The following EXOSC10 variants were observed in gnomAD, a reference collection of about 807,000 sequenced individuals.
The protein encoded by EXOSC10 is exosome complex component 10.
Under a neutral mutation model 126.6 loss-of-function variants are expected in EXOSC10, and 94 were observed. The observed-to-expected ratio is 0.74, with a 90% confidence interval of 0.63 to 0.88. EXOSC10 has a LOEUF of 0.88. EXOSC10 is among the 40% of genes least tolerant of loss of function. The pLI, the probability that EXOSC10 is intolerant of heterozygous loss-of-function variation, is 0.00. For missense variants in EXOSC10, 1,041 were observed against 1,100.5 expected (o/e 0.95, Z 0.77); for synonymous variants, 395 against 400.8 (o/e 0.99, Z 0.17).
intron 16 of EXOSC10, 60 bp from the exon 17 acceptor site, chr1:11,077,008 TGAGATGGAGTTTTA>T (rs1251486712): frequency 7.3e-7 from 1 of 1,372,456 alleles, no homozygotes; most frequent in Admixed American, 1.7e-5. Flanking sequence ...TTTTTCTTTT[TGAGATGGAGTTTTA>T]GTGTAGTCCC....
rs769457804 is a variant in EXOSC10 at position 11,095,850 on chromosome 1, G to A, written c.280C>T (p.Arg94Cys). ...MSRVMQYHGC[R>C]SNIKDRSKVT... ...TTACTTCGATCCTTAATGTTGCTGC[G>A]ACACCCATGGTACTGCATTACTCTG... The change falls in exon 3 of 25, where the codon CGC becomes TGC. Residue 94 changes from arginine to cysteine, a missense_variant. Physicochemically the swap from Arg to Cys is radical, Grantham distance 180. This residue lies in a region of EXOSC10 where 645 missense variants were observed against 656.3 expected (regional missense o/e 0.98). Transcript: ENST00000376936. 31 of 1,613,802 alleles carry A rather than the reference G, an allele frequency of 1.9e-5. No individual in the cohort carries two copies. The highest frequency in any genetic ancestry group is 1.6e-4 in the Middle Eastern group (1 of 6,062).
intron 3 of EXOSC10, among the ~76,000 whole-genome samples, chr1:11,093,124 T>C (rs922322098): frequency 1.3e-5 from 2 of 152,220 alleles, no homozygotes; most frequent in Non-Finnish European, 2.9e-5. Flanking sequence ...GTCATTAGTA[T>C]GTCATGCCAA....
Position 11,082,873 on chromosome 1 carries a change from A to C in EXOSC10, c.1095T>G (p.Phe365Leu). The C allele has an allele frequency of 6.2e-7, 1 of 1,613,930 alleles. No homozygotes were observed. Among genetic ancestry groups the C allele is most frequent in the Non-Finnish European group, 8.5e-7 (1 of 1,179,794 alleles). The change falls in exon 10 of 25, where the codon TTT becomes TTG. Residue 365 changes from phenylalanine to leucine, a missense_variant. By Grantham distance (22) the Phe-to-Leu change is conservative. This residue lies in a region of EXOSC10 where 645 missense variants were observed against 656.3 expected (regional missense o/e 0.98). Coordinates refer to ENST00000376936, the MANE Select transcript of EXOSC10 (RefSeq NM_001001998.3). ...SLTDPAIVKV[F>L]HGADSDIEWL... ...ATTCTATGTCTGAATCAGCACCATG[A>C]AAGACCTGAAAACAGAACCAAAGTC... is the stretch of plus-strand genomic sequence containing the variant.
rs756759518 is a variant in EXOSC10, at chr1:11,080,566, ACACACAC to A, written c.1587-24_1587-18del. 3.6e-3 allele frequency: 4,260 copies of A among 1,183,920 alleles called. 33 individuals are homozygous for A. Among genetic ancestry groups the A allele is most frequent in the East Asian group, 0.031 (1,083 of 34,384 alleles). 73.3% of individuals were successfully genotyped at this position (1,183,920 alleles called of 1,614,324 possible). A position where few individuals can be genotyped will look rare whatever the true frequency, so the allele number is the denominator to read the frequency against. On this transcript the variant is annotated intron_variant, in intron 12 of 24. Transcript: ENST00000376936. ...AGTACATATCTGGAAAAAAAAAAAC[ACACACAC>A]ACACACACACACACACACACACACA... is the stretch of plus-strand genomic sequence containing the variant.
In EXOSC10 at chr1:11,077,597, C is replaced by CT; in HGVS notation, c.1800+3dup. The CT allele has an allele frequency of 6.2e-7, 1 of 1,614,006 alleles. No individual in the cohort carries two copies. The highest frequency in any genetic ancestry group is 1.7e-5 in the Admixed American group (1 of 60,020). On this transcript the variant is annotated splice_donor_region_variant and intron_variant, in intron 15 of 24. Transcript: ENST00000376936. The stretch of plus-strand genomic sequence containing the variant: ...TGGGGGAGAAAACAGATCCGACACT[C>CT]TACCTCAGCACTGGGCAGCGGTCCG...
Position 11,097,158 on chromosome 1 carries a change from C to T in EXOSC10, c.248+862G>A, listed in dbSNP as rs143957879. Among the ~76,000 whole-genome samples, 374 of 151,822 alleles carry T rather than the reference C, an allele frequency of 2.5e-3. 6 individuals are homozygous for T. The highest frequency in any genetic ancestry group is 8.2e-3 in the African/African-American group (339 of 41,392). ...TTGGGAGGTGGAGGTTGCTGCGAGC[C>T]GAGATCACGCCACTGCACTTCAGCC... is the stretch of plus-strand genomic sequence containing the variant. On this transcript the variant is annotated intron_variant, in intron 2 of 24. Transcript: ENST00000376936.
rs767148663 is a variant in EXOSC10 at position 11,090,547 on chromosome 1, C to A, written c.758+7G>T. On this transcript the variant is annotated splice_region_variant and intron_variant, in intron 6 of 24. Coordinates refer to ENST00000376936, the MANE Select transcript of EXOSC10 (RefSeq NM_001001998.3). ...CGGCAGAAAGTCAGACACAGGCCAA[C>A]ACTTACATGTCTTGCTCAACCTGCT... The A allele has an allele frequency of 1.2e-6, 2 of 1,611,132 alleles. No individual in the cohort carries two copies. Among genetic ancestry groups the A allele is most frequent in the African/African-American group, 2.7e-5 (2 of 74,884 alleles).
At chr1:11,070,515 C>T (rs1253133969) in intron 21 of EXOSC10, 2 of 98,512 alleles carry the variant, frequency 2.0e-5, no homozygotes, top group African/African-American at 4.0e-5. Flanking sequence ...GAGGTAGACA[C>T]TACTTCAAAA....
chr1:11,096,471 CTTTTTTTTTTT>C (rs70977546), intron 2 of EXOSC10, among the ~76,000 whole-genome samples: 4 of 118,804 alleles, frequency 3.4e-5, no homozygotes, highest in Admixed American at 9.1e-5. Context: ...TTCTTTCTTT[CTTTTTTTTTTT>C]TTTTTTTTTA....
At chr1:11,092,809 GT>G (rs1261547489) in intron 3 of EXOSC10, among the ~76,000 whole-genome samples, 1 of 152,180 alleles carries the variant, frequency 6.6e-6, no homozygotes, top group Non-Finnish European at 1.5e-5. Flanking sequence ...ATGAGCTACT[GT>G]GCCCGGCCAC....
At chr1:11,093,984 G>A (rs980466282) in intron 3 of EXOSC10, among the ~76,000 whole-genome samples, 1 of 152,120 alleles carries the variant, frequency 6.6e-6, no homozygotes, top group Non-Finnish European at 1.5e-5. Flanking sequence ...GGAGGCTGTG[G>A]TGGGAGGATC....
intron 9 of EXOSC10, among the ~76,000 whole-genome samples, chr1:11,086,466 T>C (rs931333074): frequency 3.3e-5 from 5 of 152,126 alleles, no homozygotes; most frequent in Admixed American, 2.6e-4. Flanking sequence ...TCAGTGGTGA[T>C]ATCCCCTTTA....
Position 11,091,054 on chromosome 1 carries a change from T to C in EXOSC10, c.603A>G (p.Lys201=), listed in dbSNP as rs1254178772. 10 of 1,614,018 alleles carry C rather than the reference T, an allele frequency of 6.2e-6. No individual in the cohort carries two copies. The highest frequency in any genetic ancestry group is 8.5e-6 in the Non-Finnish European group (10 of 1,180,038). The part of the protein sequence containing the change: ...IDNSNTPFLP[K]IFIKPNAQKP... The stretch of plus-strand genomic sequence containing the variant: ...TCTGAGCATTGGGTTTGATGAAGAT[T>C]TTAGGAAGAAATGGTGTGTTGGAAT... Residue 201 remains lysine (K), a synonymous_variant, in exon 5 of 25, where the codon AAA becomes AAG. Coordinates refer to ENST00000376936, the MANE Select transcript of EXOSC10 (RefSeq NM_001001998.3).
chr1:11,081,884 A>C (rs1640185482), intron 10 of EXOSC10, among the ~76,000 whole-genome samples: 1 of 151,984 alleles, frequency 6.6e-6, no homozygotes, highest in Admixed American at 6.6e-5. Flanking sequence ...GGAGTTTGAG[A>C]CCAGTCTGAC....
At chr1:11,087,387 C>A (rs1640553180) in intron 9 of EXOSC10, 61 bp downstream of exon 9, 1 of 1,596,428 alleles carries the variant, frequency 6.3e-7, no homozygotes, top group Non-Finnish European at 8.6e-7. Flanking sequence ...AAATAGTACA[C>A]TGAAAAGCAC....
chr1:11,099,454 G>T (rs942881109), intron 1 of EXOSC10, among the ~76,000 whole-genome samples: 2 of 152,234 alleles, frequency 1.3e-5, no homozygotes, highest in Non-Finnish European at 2.9e-5. Flanking sequence ...CGTCTGGGTG[G>T]CAAGGAAGCC....
chr1:11,068,125 G>T, intron 23 of EXOSC10, 41 bp from the exon 24 acceptor site: 1 of 1,549,782 alleles, frequency 6.5e-7, no homozygotes. Context: ...TGGGCACCTT[G>T]ACCACAAGAT....
intron 17 of EXOSC10, among the ~76,000 whole-genome samples, chr1:11,075,579 C>T (rs914361331): frequency 1.3e-5 from 2 of 152,074 alleles, no homozygotes; most frequent in East Asian, 1.9e-4. Flanking sequence ...TCAGCTAAAG[C>T]GCCTAGTATT....
rs772373112 is a variant in EXOSC10 at position 11,073,938 on chromosome 1, T to C, written c.2153A>G (p.Tyr718Cys). Residue 718 changes from tyrosine (Y) to cysteine (C), a missense_variant, in exon 19 of 25, where the codon TAT becomes TGT. Tyr to Cys is a radical substitution (Grantham distance 194). This residue lies in a region of EXOSC10 where 388 missense variants were observed against 415.2 expected (regional missense o/e 0.93). Coordinates refer to ENST00000376936, the MANE Select transcript of EXOSC10 (RefSeq NM_001001998.3). ...AAKFDPSTKI[Y>C]EISNRWKLAQ... ...ACAGGTGACAAGTCCACTTACTTCA[T>C]AGATTTTGGTTGATGGATCGAACTT... The C allele has an allele frequency of 1.0e-5, 16 of 1,582,208 alleles. No homozygotes were observed. The highest frequency in any genetic ancestry group is 6.7e-5 in the Admixed American group (4 of 59,532).
Sources: gnomAD v4.1 joint callset for allele counts (sites outside exome capture counted in the v4.1 genomes callset) on GRCh38, gnomAD v4.1.1 for gene constraint, gnomAD v4.1.1 regional missense constraint, MANE v1.5 for transcripts, NCBI Gene and HGNC (gene_info 2026-07-23, HGNC 2026-07-21) for gene names.